The following CPN1 variants were observed in gnomAD, a reference collection of about 807,000 sequenced individuals.
CPN1 encodes the protein carboxypeptidase N catalytic chain.
A neutral mutation model predicts 46.4 loss-of-function variants in CPN1; 37 were observed. That is an observed-to-expected ratio of 0.80 (90% CI 0.61 to 1.05). The LOEUF (loss-of-function observed/expected upper bound fraction) is 1.05. CPN1 is among the 50% of genes least tolerant of loss of function. The pLI, the probability that CPN1 is intolerant of heterozygous loss-of-function variation, is 0.00. For missense variants in CPN1, 563 were observed against 602.6 expected, an observed-to-expected ratio of 0.93 and a Z score of 0.69; for synonymous variants, 224 against 235.4, an observed-to-expected ratio of 0.95 and a Z score of 0.44.
chr10:100,077,476 C>A (rs1485633905), intron 1 of CPN1, among the ~76,000 whole-genome samples: 1 of 152,086 alleles, frequency 6.6e-6, no homozygotes, highest in Non-Finnish European at 1.5e-5. Flanking sequence ...GGTGATCCAC[C>A]CGCCTTGGCC....
chr10:100,053,200 CT>C (rs2133429532), intron 7 of CPN1, among the ~76,000 whole-genome samples: 1 of 152,274 alleles, frequency 6.6e-6, no homozygotes, highest in African/African-American at 2.4e-5. Flanking sequence ...TTGAATGAAC[CT>C]TTCATGTAAG....
intron 4 of CPN1, among the ~76,000 whole-genome samples, chr10:100,064,607 C>T (rs1318860252): frequency 4.0e-5 from 6 of 151,864 alleles, no homozygotes; most frequent in South Asian, 2.1e-4. Context: ...TCTCAAACTC[C>T]TGACCTCAGG....
At chr10:100,057,543 T>C (rs540345688) in intron 5 of CPN1, among the ~76,000 whole-genome samples, 50 of 152,242 alleles carry the variant, frequency 3.3e-4, no homozygotes, top group African/African-American at 1.2e-3. Flanking sequence ...TGAGTGGTGA[T>C]TAGTCGGTTG....
chr10:100,057,054 A>C lies in CPN1; in HGVS notation c.970T>G (p.Trp324Gly). The change falls in exon 6 of 9, where the codon TGG becomes GGG. Residue 324 changes from tryptophan (W) to glycine (G), a missense_variant. Trp to Gly is a radical substitution (Grantham distance 184). Transcript: ENST00000370418. ...FPPEEELQREWLGNREALIQF... is the reference protein window; with the variant it reads ...FPPEEELQREGLGNREALIQF... ...ATTAGGGCTTCCCGATTACCCAGCC[A>C]CTCCCGCTGTAACTCCTCTTCGGGG... 6.2e-7 allele frequency: 1 copy of C among 1,613,914 alleles called. No individual in the cohort carries two copies. Among genetic ancestry groups the C allele is most frequent in the Non-Finnish European group, 8.5e-7 (1 of 1,179,978 alleles).
At chr10:100,067,854 A>C (rs61871699) in intron 3 of CPN1, among the ~76,000 whole-genome samples, 3,139 of 152,172 alleles carry the variant, frequency 0.021, 45 homozygotes, top group Non-Finnish European at 0.032. Flanking sequence ...GTCAAAGGTC[A>C]TATAGAAGGG....
In CPN1 at chr10:100,081,482, G is replaced by C. The variant is rs1002721852; in HGVS notation, c.144C>G (p.Val48=). ...CCTCCACGCTGCGCCCAATGCTGTA[G>C]ACCCGCGTGATGCCGGGGCATTCGT... ...VQNECPGITR[V]YSIGRSVEGR... The change falls in exon 1 of 9, where the codon GTC becomes GTG. Residue 48 remains valine, a synonymous_variant. Coordinates refer to ENST00000370418, the MANE Select transcript of CPN1 (RefSeq NM_001308.3). 5.6e-6 allele frequency: 9 copies of C among 1,614,016 alleles called. No homozygotes were observed. In the South Asian group the frequency reaches 8.8e-5, roughly 16 times the overall value.
chr10:100,063,970 G>A (rs1202333071), intron 4 of CPN1, among the ~76,000 whole-genome samples: 1 of 152,174 alleles, frequency 6.6e-6, no homozygotes. Flanking sequence ...CTAAGAGAGT[G>A]TATGTGTGGT....
At chr10:100,054,480 A>ACATTTGTAC (rs770889081) in intron 6 of CPN1, 34 bp from the exon 7 acceptor site, 2 of 1,535,052 alleles carry the variant, frequency 1.3e-6, no homozygotes, top group African/African-American at 2.7e-5. Flanking sequence ...TGATCATAAA[A>ACATTTGTAC]CATTTGTACC....
At chr10:100,064,930 C>A (rs2041444205) in intron 4 of CPN1, among the ~76,000 whole-genome samples, 1 of 152,152 alleles carries the variant, frequency 6.6e-6, no homozygotes, top group Admixed American at 6.5e-5. Flanking sequence ...GGGCATATTT[C>A]TTGCTCATCA....
chr10:100,069,547 C>T (rs1185245161), intron 3 of CPN1, among the ~76,000 whole-genome samples, 167 bp downstream of exon 3: 1 of 151,038 alleles, frequency 6.6e-6, no homozygotes, highest in African/African-American at 2.4e-5. Flanking sequence ...AAAATAAATA[C>T]AAAGACACGG....
intron 2 of CPN1, among the ~76,000 whole-genome samples, chr10:100,074,245 A>G (rs1487951420): frequency 6.6e-6 from 1 of 152,234 alleles, no homozygotes; most frequent in East Asian, 1.9e-4. Context: ...CTGTGTAGCC[A>G]CGCAGACAGC....
rs2041473723 is a variant in CPN1, at chr10:100,069,750, G to A, written c.540C>T (p.Asn180=). The A allele has an allele frequency of 1.2e-6, 2 of 1,613,764 alleles. No individual in the cohort carries two copies. The highest frequency in any genetic ancestry group is 1.7e-6 in the Non-Finnish European group (2 of 1,180,038). Reference sequence around the variant, plus strand: ...AGTTGTCTGGAAGGGGCAGGTGGTGGTTGGGGCCTCCGTACTTCTCGTTAT... The same window carrying A: ...AGTTGTCTGGAAGGGGCAGGTGGTGATTGGGGCCTCCGTACTTCTCGTTAT... ...IYYNEKYGGP[N]HHLPLPDNWK... is the part of the protein sequence containing the mutation. Residue 180 remains asparagine, a synonymous_variant, in exon 3 of 9, where the codon AAC becomes AAT. Coordinates refer to ENST00000370418, the MANE Select transcript of CPN1 (RefSeq NM_001308.3).
chr10:100,080,634 C>G (rs1289898374), intron 1 of CPN1, among the ~76,000 whole-genome samples: 1 of 152,228 alleles, frequency 6.6e-6, no homozygotes, highest in African/African-American at 2.4e-5. Context: ...GTGGCTCACG[C>G]CTGTAATCCC....
chr10:100,081,667 A>G lies in CPN1; in HGVS notation c.-42T>C, dbSNP rs751664367. ...AAAGAGAGCCACTGAAACGCGCCCC[A>G]CCTCCTTAAACAACCTAGCCTCTTC... On this transcript the variant is annotated 5_prime_UTR_variant, in exon 1 of 9. Coordinates refer to ENST00000370418, the MANE Select transcript of CPN1 (RefSeq NM_001308.3). 2.3e-5 allele frequency: 36 copies of G among 1,544,296 alleles called. No individual in the cohort carries two copies. Among genetic ancestry groups the G allele is most frequent in the Non-Finnish European group, 2.7e-5 (30 of 1,125,526 alleles).
chr10:100,080,992 C>T (rs983832415), intron 1 of CPN1, among the ~76,000 whole-genome samples: 6 of 152,288 alleles, frequency 3.9e-5, no homozygotes, highest in Non-Finnish European at 5.9e-5. Context: ...GAAGAGATTC[C>T]CCTATACCCT....
intron 2 of CPN1, among the ~76,000 whole-genome samples, chr10:100,071,357 G>C (rs2041483866): frequency 1.3e-5 from 2 of 152,138 alleles, no homozygotes; most frequent in Admixed American, 6.6e-5. Flanking sequence ...ACGCTCTCTG[G>C]TCCCCTTCTT....
At chr10:100,059,083 C>G (rs576970742) in intron 5 of CPN1, among the ~76,000 whole-genome samples, 17 of 152,146 alleles carry the variant, frequency 1.1e-4, no homozygotes, top group African/African-American at 4.1e-4. Context: ...CTATAAAACT[C>G]TTAGAAGAAT....
chr10:100,068,140 G>C (rs1212458861), intron 3 of CPN1, among the ~76,000 whole-genome samples: 1 of 132,476 alleles, frequency 7.5e-6, no homozygotes, highest in Non-Finnish European at 1.6e-5. Context: ...GGGTAAAAGA[G>C]CAAGACTCTG....
intron 6 of CPN1, among the ~76,000 whole-genome samples, chr10:100,054,769 A>G (rs1162727427): frequency 1.3e-5 from 2 of 150,998 alleles, no homozygotes; most frequent in Admixed American, 1.3e-4. Context: ...CCCATCTCCA[A>G]CCACCTTTTC....
Sources: allele counts gnomAD v4.1 joint callset (sites outside exome capture counted in the v4.1 genomes callset), GRCh38; gene constraint gnomAD v4.1.1; transcripts MANE v1.5; gene names NCBI Gene and HGNC (gene_info 2026-07-23, HGNC 2026-07-21).